The following SESTD1 variants were observed in gnomAD, a reference collection of about 807,000 sequenced individuals.
The protein encoded by SESTD1 is SEC14 and spectrin domain containing 1.
SESTD1 carries 43 observed loss-of-function variants against 101.7 expected under a neutral mutation model. The observed-to-expected ratio is 0.42, with a 90% CI of 0.33 to 0.55. SESTD1 has a LOEUF of 0.55. Among genes scored for constraint, SESTD1 ranks in the 20% least tolerant of loss-of-function variants. SESTD1 has a pLI of 0.07. For missense variants in SESTD1, 647 were observed against 815.1 expected (o/e 0.79, Z 2.51); for synonymous variants, 283 against 286.8 (o/e 0.99, Z 0.13).
chr2:179,124,587 A>AATTTG, intron 10 of SESTD1, 29 bp from the exon 11 acceptor site: 2 of 1,569,724 alleles, frequency 1.3e-6, no homozygotes, highest in Non-Finnish European at 1.7e-6. Flanking sequence ...AAAGTAAACT[A>AATTTG]AGGCTCAAAT....
intron 5 of SESTD1, among the ~76,000 whole-genome samples, chr2:179,151,762 C>A (rs1223026281): frequency 6.6e-6 from 1 of 152,028 alleles, no homozygotes; most frequent in Non-Finnish European, 1.5e-5. Flanking sequence ...AAATGATAAG[C>A]CCTATGAAGA....
intron 8 of SESTD1, among the ~76,000 whole-genome samples, chr2:179,145,820 C>T (rs554384006): frequency 1.4e-4 from 21 of 152,136 alleles, no homozygotes; most frequent in African/African-American, 5.1e-4. Flanking sequence ...ATCTCAAAGG[C>T]TTGTTAGGAG....
intron 3 of SESTD1, among the ~76,000 whole-genome samples, chr2:179,178,023 G>A (rs1246938420): frequency 1.3e-5 from 2 of 152,190 alleles, no homozygotes; most frequent in African/African-American, 4.8e-5. Context: ...AAGCAGATTA[G>A]TGGTTGACAA....
At chr2:179,174,721 G>A (rs950596661) in intron 4 of SESTD1, among the ~76,000 whole-genome samples, 1 of 152,110 alleles carries the variant, frequency 6.6e-6, no homozygotes. Flanking sequence ...AGCGATTTGG[G>A]AGGCTGAAGC....
At chr2:179,191,908 T>C in intron 1 of SESTD1, 42 bp from the exon 2 acceptor site, 1 of 1,301,084 alleles carries the variant, frequency 7.7e-7, no homozygotes. Flanking sequence ...AAGACAACAA[T>C]TATTCCACGA....
intron 1 of SESTD1, among the ~76,000 whole-genome samples, chr2:179,209,567 T>C (rs2046626329): frequency 7.4e-6 from 1 of 134,774 alleles, no homozygotes; most frequent in Admixed American, 7.2e-5. Context: ...CCAAAAGGAA[T>C]ACTCAAAACT....
At chr2:179,192,219 C>T (rs563623700) in intron 1 of SESTD1, among the ~76,000 whole-genome samples, 2 of 152,262 alleles carry the variant, frequency 1.3e-5, no homozygotes, top group East Asian at 1.9e-4. Flanking sequence ...CTGGTACATA[C>T]TAGTAACTAA....
Position 179,213,922 on chromosome 2 carries a change from G to C in SESTD1, c.-25-22056C>G, listed in dbSNP as rs1182579350. Among the ~76,000 whole-genome samples the C allele has an allele frequency of 1.5e-5, 2 of 134,374 alleles. 1 individual carries two copies. The highest frequency in any genetic ancestry group is 3.2e-5 in the Non-Finnish European group (2 of 62,664). The allele number at this position is 134,374 out of a possible 152,430, so 88.2% of individuals were successfully genotyped here. A position where few individuals can be genotyped will look rare whatever the true frequency, so the allele number is the denominator to read the frequency against. On this transcript the variant is annotated intron_variant, in intron 1 of 17. Transcript: ENST00000428443. ...GAGAAATAAAATCCTTCACAGACAAGCAAATGCTGAGACATTTTGTCACCA... is the reference window on the plus strand; with the variant it reads ...GAGAAATAAAATCCTTCACAGACAACCAAATGCTGAGACATTTTGTCACCA...
rs1167487531 is a variant in SESTD1 at position 179,203,311 on chromosome 2, C to A, written c.-25-11445G>T. Among the ~76,000 whole-genome samples the A allele has an allele frequency of 3.0e-5, 4 of 134,710 alleles. 1 individual carries two copies. Among genetic ancestry groups the A allele is most frequent in the Non-Finnish European group, 6.4e-5 (4 of 62,766 alleles). 88.4% of individuals were successfully genotyped at this position (134,710 alleles called of 152,430 possible). A position where few individuals can be genotyped will look rare whatever the true frequency, so the allele number is the denominator to read the frequency against. ...TAATAAATCTGCCTTTCTTTACCTA[C>A]AACTGTCTTGGTAAATCCCTTTAAA... On this transcript the variant is annotated intron_variant, in intron 1 of 17. Transcript: ENST00000428443.
chr2:179,262,704 A>G lies in SESTD1; in HGVS notation c.-26+1795T>C, dbSNP rs187869891. Among the ~76,000 whole-genome samples, 287 of 152,326 alleles carry G rather than the reference A, an allele frequency of 1.9e-3. 3 individuals carry two copies. Among genetic ancestry groups the G allele is most frequent in the Non-Finnish European group, 3.5e-3 (241 of 68,020 alleles). On this transcript the variant is annotated intron_variant, in intron 1 of 17. Transcript: ENST00000428443. ...CAAGTTCATTTTTAGAGAGTGGAAA[A>G]GCTTCAACAAGTCCTTATAAAAATA...
At chr2:179,177,932 A>G (rs1350267557) in intron 3 of SESTD1, among the ~76,000 whole-genome samples, 3 of 152,226 alleles carry the variant, frequency 2.0e-5, no homozygotes, top group Non-Finnish European at 2.9e-5. Context: ...ATGCTAAGTA[A>G]AACACGCCAG....
intron 14 of SESTD1, 152 bp downstream of exon 14, chr2:179,117,380 C>A: frequency 5.0e-6 from 3 of 594,378 alleles, no homozygotes; most frequent in Middle Eastern, 3.6e-4. Context: ...CTGGGAATAC[C>A]AAAGTGTATT....
intron 5 of SESTD1, among the ~76,000 whole-genome samples, chr2:179,166,184 T>G (rs1232485180): frequency 6.6e-6 from 1 of 152,068 alleles, no homozygotes; most frequent in Non-Finnish European, 1.5e-5. Flanking sequence ...GAATTCATAC[T>G]CACTTGGAGG....
intron 9 of SESTD1, among the ~76,000 whole-genome samples, chr2:179,140,598 C>A (rs2045256982): frequency 6.6e-6 from 1 of 152,188 alleles, no homozygotes; most frequent in Admixed American, 6.5e-5. Context: ...CAAAGCAATA[C>A]AACCCCTCTT....
At chr2:179,230,163 T>A (rs369679511) in intron 1 of SESTD1, among the ~76,000 whole-genome samples, 1 of 115,090 alleles carries the variant, frequency 8.7e-6, no homozygotes, top group Admixed American at 1.1e-4. Flanking sequence ...AGACAGGGTC[T>A]CACTCTGTCA....
intron 12 of SESTD1, among the ~76,000 whole-genome samples, chr2:179,122,217 GAAGAA>G (rs2044768484): frequency 6.6e-6 from 1 of 152,114 alleles, no homozygotes; most frequent in Admixed American, 6.5e-5. Flanking sequence ...AATGAAAGCA[GAAGAA>G]AAATATGAAA....
In SESTD1 at chr2:179,146,450, C is replaced by A. The variant is rs1368350055; in HGVS notation, c.589G>T (p.Asp197Tyr). Residue 197 changes from aspartate to tyrosine, a missense_variant, in exon 8 of 18, where the codon GAT becomes TAT. By Grantham distance (160) the Asp-to-Tyr change is radical. Coordinates refer to ENST00000428443, the MANE Select transcript of SESTD1 (RefSeq NM_178123.5). ...TCAACCGATGGAAGAAAGTTTAAAT[C>A]CACAGACCTGGAAAACACCAAAGGA... ...GNQQEKERSV[D>Y]LNFLPSVDPE... 1.2e-6 allele frequency: 2 copies of A among 1,612,690 alleles called. No homozygotes were observed. Among genetic ancestry groups the A allele is most frequent in the Non-Finnish European group, 1.7e-6 (2 of 1,179,504 alleles).
chr2:179,105,130 C>G lies in SESTD1; in HGVS notation c.*4769G>C, dbSNP rs1400548532. On this transcript the variant is annotated 3_prime_UTR_variant, in exon 18 of 18. Coordinates refer to ENST00000428443, the MANE Select transcript of SESTD1 (RefSeq NM_178123.5). Reference sequence around the variant, plus strand: ...CTGAGTTTACCAAGAGACTGCTCCTCTCTAAGCATAGCCAGCACTAATTGT... The same window carrying G: ...CTGAGTTTACCAAGAGACTGCTCCTGTCTAAGCATAGCCAGCACTAATTGT... 6.6e-6 allele frequency: 1 copy of G among 151,412 alleles called. No individual in the cohort carries two copies. The highest frequency in any genetic ancestry group is 1.5e-5 in the Non-Finnish European group (1 of 67,946). 9.4% of individuals were successfully genotyped at this position (151,412 alleles called of 1,614,324 possible). A position where few individuals can be genotyped will look rare whatever the true frequency, so the allele number is the denominator to read the frequency against.
At chr2:179,226,691 A>G (rs543589350) in intron 1 of SESTD1, among the ~76,000 whole-genome samples, 6 of 152,308 alleles carry the variant, frequency 3.9e-5, no homozygotes, top group African/African-American at 1.4e-4. Flanking sequence ...TATTAACACT[A>G]AAGAGCATAC....
Sources: gnomAD v4.1 joint callset for allele counts (sites outside exome capture counted in the v4.1 genomes callset) on GRCh38, gnomAD v4.1.1 for gene constraint, MANE v1.5 for transcripts, NCBI Gene and HGNC (gene_info 2026-07-23, HGNC 2026-07-21) for gene names.